Variants in MYL11 observed in about 807,000 individuals in gnomAD.
The protein encoded by MYL11 is myosin regulatory light chain 11.
At chr16:30,374,785 A>G in the MYL11 span, 1 of 1,585,648 alleles carries the variant, frequency 6.3e-7, no homozygotes. Context: ...ATAACCCCAG[A>G]GGGACTGCCC....
the MYL11 span, chr16:30,376,439 G>A: frequency 1.9e-6 from 3 of 1,613,884 alleles, no homozygotes; most frequent in African/African-American, 4.0e-5. Context: ...TCAATGTGAA[G>A]AATGAGGAGT....
chr16:30,371,862 T>C, the MYL11 span, among the ~76,000 whole-genome samples: 2 of 152,160 alleles, frequency 1.3e-5, no homozygotes, highest in South Asian at 4.1e-4. Context: ...CATAAAGACC[T>C]GACGTTATGA....
chr16:30,376,784 A>G, the MYL11 span: 3 of 1,365,542 alleles, frequency 2.2e-6, no homozygotes, highest in Non-Finnish European at 3.0e-6. Flanking sequence ...ATTTCTACCA[A>G]GGCTGGGCCC....
At chr16:30,376,010 A>G in the MYL11 span, 4 of 1,501,338 alleles carry the variant, frequency 2.7e-6, no homozygotes, top group South Asian at 4.7e-5. Context: ...GGAAAGGTTT[A>G]GAATTCCTTC....
At chr16:30,376,325 C>T in the MYL11 span, 1 of 1,545,242 alleles carries the variant, frequency 6.5e-7, no homozygotes, top group Non-Finnish European at 8.9e-7. Context: ...CCTCAGTCTA[C>T]CCAGCTGAAA....
chr16:30,375,682 G>T, the MYL11 span: 1 of 675,668 alleles, frequency 1.5e-6, no homozygotes, highest in Non-Finnish European at 2.5e-6. Flanking sequence ...CAGCAAAGAG[G>T]TCCCAAGGAA....
the MYL11 span, chr16:30,375,854 G>A: frequency 1.9e-6 from 3 of 1,613,976 alleles, no homozygotes; most frequent in Non-Finnish European, 2.5e-6. Flanking sequence ...ACAGTAGAGG[G>A]CGGAAGCTCC....
the MYL11 span, chr16:30,375,926 C>A: frequency 6.2e-7 from 1 of 1,612,514 alleles, no homozygotes; most frequent in Non-Finnish European, 8.5e-7. Flanking sequence ...GGTGAGGGGA[C>A]GGGGAAACTG....
chr16:30,372,111 C>T, the MYL11 span, among the ~76,000 whole-genome samples: 1 of 152,164 alleles, frequency 6.6e-6, no homozygotes, highest in Admixed American at 6.5e-5. Flanking sequence ...TTGACCCAAG[C>T]TTCCTGAGCT....
the MYL11 span, chr16:30,374,899 G>T: frequency 6.2e-7 from 1 of 1,610,478 alleles, no homozygotes; most frequent in Admixed American, 1.7e-5. Flanking sequence ...AGATCCCTTA[G>T]ACCTCAGGGC....
chr16:30,377,918 C>A, the MYL11 span: 1 of 1,592,250 alleles, frequency 6.3e-7, no homozygotes, highest in South Asian at 1.1e-5. Context: ...CGCGGGCCTC[C>A]GCTGCCCGAC....
the MYL11 span, chr16:30,375,936 G>A: frequency 6.2e-7 from 1 of 1,610,990 alleles, no homozygotes; most frequent in South Asian, 1.1e-5. Flanking sequence ...CGGGGAAACT[G>A]GAAGGCTGAC....
At chr16:30,371,127 A>G in the MYL11 span, 1 of 152,294 alleles carries the variant, frequency 6.6e-6, no homozygotes, top group African/African-American at 2.4e-5. Context: ...TGTCTCAGCC[A>G]ATGGGAGCAT....
At chr16:30,377,521 G>C in the MYL11 span, 43 of 894,000 alleles carry the variant, frequency 4.8e-5, no homozygotes, top group East Asian at 1.2e-3. Flanking sequence ...GCGAGTGTCT[G>C]GGAGGCCAAT....
the MYL11 span, chr16:30,376,413 C>A: frequency 1.6e-5 from 26 of 1,609,736 alleles, no homozygotes; most frequent in Admixed American, 8.4e-5. Context: ...CTTCCCCCAA[C>A]CCCCTCCAGG....
the MYL11 span, chr16:30,376,805 G>C: frequency 8.8e-7 from 1 of 1,137,494 alleles, no homozygotes; most frequent in Non-Finnish European, 1.3e-6. Flanking sequence ...TGTGGCTCAG[G>C]CCTATAATCC....
At chr16:30,375,962 T>C in the MYL11 span, 3 of 1,585,974 alleles carry the variant, frequency 1.9e-6, no homozygotes, top group Middle Eastern at 1.7e-4. Context: ...GCAGCCCTGC[T>C]GGCCCTCTCC....
the MYL11 span, chr16:30,375,780 A>G: frequency 2.6e-6 from 4 of 1,533,824 alleles, no homozygotes; most frequent in Non-Finnish European, 3.6e-6. Flanking sequence ...AGGTGGAGGG[A>G]CTGGTCCATG....
chr16:30,371,712 TA>T, the MYL11 span, among the ~76,000 whole-genome samples: 1 of 152,040 alleles, frequency 6.6e-6, no homozygotes, highest in Admixed American at 6.6e-5. Flanking sequence ...ATATGTGTGT[TA>T]CTATTCTTTT....
Sources: allele counts gnomAD v4.1 joint callset (sites outside exome capture counted in the v4.1 genomes callset), GRCh38; gene constraint gnomAD v4.1.1; transcripts MANE v1.5; gene names NCBI Gene and HGNC (gene_info 2026-07-23, HGNC 2026-07-21).